Variants in POP5 observed in about 807,000 individuals in gnomAD.
The protein encoded by POP5 is POP5 ribonuclease P/MRP subunit.
A neutral mutation model predicts 20.7 loss-of-function variants in POP5; 18 were observed. The ratio of observed to expected loss-of-function variants is 0.87; its 90% CI spans 0.60 to 1.29. The LOEUF (loss-of-function observed/expected upper bound fraction) is 1.29, where lower values mean the gene tolerates loss of function less well. Among genes scored for constraint, POP5 ranks in the 50% most tolerant of loss-of-function variants. POP5 has a pLI of 0.00. For synonymous variants in POP5, 91 were observed against 78.0 expected (o/e 1.17, Z -0.88); for missense variants, 200 against 203.2 (o/e 0.98, Z 0.10).
rs747000225 is a variant in POP5, at chr12:120,581,325, C to G, written c.20+18G>C. 1.9e-6 allele frequency: 3 copies of G among 1,613,984 alleles called. No homozygotes were observed. Among genetic ancestry groups the G allele is most frequent in the African/African-American group, 2.7e-5 (2 of 74,952 alleles). On this transcript the variant is annotated intron_variant, in intron 1 of 4. Coordinates refer to ENST00000357500, the MANE Select transcript of POP5 (RefSeq NM_015918.4). The stretch of plus-strand genomic sequence containing the variant: ...GGACCCAGCAAGGCACTGGGAGGGT[C>G]TGGAAGGGAATGCTTACCTGTGCTT...
chr12:120,578,916 C>CA lies in POP5; in HGVS notation c.*401dup, dbSNP rs570255197. 717 of 190,170 alleles carry CA rather than the reference C, an allele frequency of 3.8e-3. No individual in the cohort carries two copies. Among genetic ancestry groups the CA allele is most frequent in the South Asian group, 9.9e-3 (105 of 10,566 alleles). The allele number at this position is 190,170 out of a possible 1,614,324, so 11.8% of individuals were successfully genotyped here. On this transcript the variant is annotated 3_prime_UTR_variant, in exon 5 of 5. Transcript: ENST00000357500. ...CCTGGGTGATAGACTGAGACTGTCT[C>CA]AAAAAAAAAAGTTTAACTAGTACCA...
At chr12:120,580,148 A>G in intron 2 of POP5, 1 of 450,808 alleles carries the variant, frequency 2.2e-6, no homozygotes, top group Non-Finnish European at 4.0e-6. Context: ...AGGCTGAGGC[A>G]TGAGAATCGC....
chr12:120,581,400 G>A lies in POP5; in HGVS notation c.-38C>T. On this transcript the variant is annotated 5_prime_UTR_variant, in exon 1 of 5. Coordinates refer to ENST00000357500, the MANE Select transcript of POP5 (RefSeq NM_015918.4). ...GCTCTCCGGTCCGGCGTGCAAACCGGATGTGAATTCTGTCCGCTGCCAATG... is the reference window on the plus strand; with the variant it reads ...GCTCTCCGGTCCGGCGTGCAAACCGAATGTGAATTCTGTCCGCTGCCAATG... The A allele has an allele frequency of 6.2e-7, 1 of 1,600,834 alleles. No homozygotes were observed. The highest frequency in any genetic ancestry group is 8.5e-7 in the Non-Finnish European group (1 of 1,174,228).
In POP5 at chr12:120,581,149, A is replaced by T; in HGVS notation, c.129T>A (p.Thr43=). Residue 43 remains threonine (T), a synonymous_variant, in exon 2 of 5, where the codon ACT becomes ACA. Coordinates refer to ENST00000357500, the MANE Select transcript of POP5 (RefSeq NM_015918.4). ...VRDTIARVHG[T]FGAAACSIGF... is the part of the protein sequence containing the mutation. Reference sequence around the variant, plus strand: ...CGATGGAGCAGGCGGCTGCGCCGAAAGTTCCGTGCACCCTGGCGATCGTGT... The same window carrying T: ...CGATGGAGCAGGCGGCTGCGCCGAATGTTCCGTGCACCCTGGCGATCGTGT... 6.2e-7 allele frequency: 1 copy of T among 1,613,362 alleles called. No homozygotes were observed. The highest frequency in any genetic ancestry group is 8.5e-7 in the Non-Finnish European group (1 of 1,180,024).
chr12:120,580,107 T>C, intron 2 of POP5, 184 bp from the exon 3 acceptor site: 1 of 545,180 alleles, frequency 1.8e-6, no homozygotes, highest in Non-Finnish European at 3.2e-6. Context: ...CTGGGTGTGG[T>C]GGTGCGCACC....
chr12:120,580,823 C>T (rs1341771319), intron 2 of POP5: 5 of 463,424 alleles, frequency 1.1e-5, no homozygotes, highest in Non-Finnish European at 1.9e-5. Flanking sequence ...ACACAGCTTC[C>T]CTCATTTAAT....
At position 120,578,956 on chromosome 12, in the gene POP5, C is replaced by T. The variant is rs994854561; in HGVS notation, c.*362G>A. 1 of 261,202 alleles carries T rather than the reference C, an allele frequency of 3.8e-6. No homozygotes were observed. Among genetic ancestry groups the T allele is most frequent in the African/African-American group, 2.2e-5 (1 of 45,010 alleles). The allele number at this position is 261,202 out of a possible 1,614,324, so 16.2% of individuals were successfully genotyped here. A position where few individuals can be genotyped will look rare whatever the true frequency, so the allele number is the denominator to read the frequency against. On this transcript the variant is annotated 3_prime_UTR_variant, in exon 5 of 5. Coordinates refer to ENST00000357500, the MANE Select transcript of POP5 (RefSeq NM_015918.4). ...AACTAGTACCACATAGGGAGTCAGT[C>T]TTCCCACCAAGGCTAGGGATAGAGA... is the stretch of plus-strand genomic sequence containing the variant.
At position 120,579,305 on chromosome 12, in the gene POP5, G is replaced by C; in HGVS notation, c.*13C>G. On this transcript the variant is annotated 3_prime_UTR_variant, in exon 5 of 5. Coordinates refer to ENST00000357500, the MANE Select transcript of POP5 (RefSeq NM_015918.4). ...GCCTGAGCAGTGTAGCCAGCTGTGTGGGGAGCAGAGGTTCACTCCATTGCT... is the reference window on the plus strand; with the variant it reads ...GCCTGAGCAGTGTAGCCAGCTGTGTCGGGAGCAGAGGTTCACTCCATTGCT... 1 of 1,608,832 alleles carries C rather than the reference G, an allele frequency of 6.2e-7. No homozygotes were observed. Among genetic ancestry groups the C allele is most frequent in the African/African-American group, 1.3e-5 (1 of 74,976 alleles).
intron 2 of POP5, among the ~76,000 whole-genome samples, chr12:120,580,329 AAG>A (rs902314221): frequency 2.9e-4 from 44 of 152,234 alleles, no homozygotes; most frequent in African/African-American, 1.0e-3. Context: ...CAGCGAGTAA[AAG>A]AGAAAAGCCA....
chr12:120,581,354 C>A lies in POP5; in HGVS notation c.9G>T (p.Arg3=). 1.2e-6 allele frequency: 2 copies of A among 1,613,374 alleles called. No individual in the cohort carries two copies. Among genetic ancestry groups the A allele is most frequent in the Non-Finnish European group, 1.7e-6 (2 of 1,179,746 alleles). Residue 3 remains arginine (R), a synonymous_variant, in exon 1 of 5, where the codon CGG becomes CGT. Transcript: ENST00000357500. Reference sequence around the variant, plus strand: ...AAGGGAATGCTTACCTGTGCTTGAACCGCACCATGGCTGCCTCCGCGCTCT... The same window carrying A: ...AAGGGAATGCTTACCTGTGCTTGAAACGCACCATGGCTGCCTCCGCGCTCT... MV[R]FKHRYLLCEL... is the part of the protein sequence containing the mutation.
intron 2 of POP5, chr12:120,580,497 CA>C (rs1877806822): frequency 6.5e-6 from 1 of 153,810 alleles, no homozygotes; most frequent in African/African-American, 2.4e-5. Flanking sequence ...GCCTGAAAAA[CA>C]GGCTGTTTTA....
At position 120,581,241 on chromosome 12, in the gene POP5, G is replaced by C; in HGVS notation, c.37C>G (p.Leu13Val). 1 of 1,614,248 alleles carries C rather than the reference G, an allele frequency of 6.2e-7. No homozygotes were observed. ...RFKHRYLLCE[L>V]VSDDPRCRLS... ...CGGCAGCGGGGGTCGTCAGACACCAGTTCGCAGAGCAGGTACCTGCGGCAG... is the reference window on the plus strand; with the variant it reads ...CGGCAGCGGGGGTCGTCAGACACCACTTCGCAGAGCAGGTACCTGCGGCAG... The change falls in exon 2 of 5, where the codon CTG becomes GTG. Residue 13 changes from leucine (L) to valine (V), a missense_variant. By Grantham distance (32) the Leu-to-Val change is conservative. Transcript: ENST00000357500.
At chr12:120,580,877 C>A in intron 2 of POP5, 1 of 573,402 alleles carries the variant, frequency 1.7e-6, no homozygotes, top group Non-Finnish European at 3.0e-6. Flanking sequence ...ACAGAAATTA[C>A]CTGTCAAGCA....
At chr12:120,579,644 CTT>C in intron 3 of POP5, 47 bp from the exon 4 acceptor site, 1 of 1,569,970 alleles carries the variant, frequency 6.4e-7, no homozygotes, top group Non-Finnish European at 8.8e-7. Context: ...AGATCTCGAC[CTT>C]ACAGACTTTC....
chr12:120,581,137 G>C lies in POP5; in HGVS notation c.141C>G (p.Ala47=). 6.2e-7 allele frequency: 1 copy of C among 1,612,664 alleles called. No homozygotes were observed. The highest frequency in any genetic ancestry group is 8.5e-7 in the Non-Finnish European group (1 of 1,180,002). Reference sequence around the variant, plus strand: ...CACCCGCGAAGCCGATGGAGCAGGCGGCTGCGCCGAAAGTTCCGTGCACCC... The same window carrying C: ...CACCCGCGAAGCCGATGGAGCAGGCCGCTGCGCCGAAAGTTCCGTGCACCC... ...IARVHGTFGA[A]ACSIGFAVRY... The change falls in exon 2 of 5, where the codon GCC becomes GCG. Residue 47 remains alanine, a synonymous_variant. Transcript: ENST00000357500.
chr12:120,579,145 G>C lies in POP5; in HGVS notation c.*173C>G. On this transcript the variant is annotated 3_prime_UTR_variant, in exon 5 of 5. Transcript: ENST00000357500. ...GCAACACTTCACCAGGGAATGCTAG[G>C]TAAAGGCAACTTCAGTTTAACTGAG... 1 of 632,972 alleles carries C rather than the reference G, an allele frequency of 1.6e-6. No homozygotes were observed. The highest frequency in any genetic ancestry group is 2.7e-5 in the East Asian group (1 of 36,588). 39.2% of individuals were successfully genotyped at this position (632,972 alleles called of 1,614,324 possible).
Position 120,578,999 on chromosome 12 carries a change from C to A in POP5, c.*319G>T. 2.9e-6 allele frequency: 1 copy of A among 346,730 alleles called. No homozygotes were observed. Among genetic ancestry groups the A allele is most frequent in the Non-Finnish European group, 5.4e-6 (1 of 184,302 alleles). The allele number at this position is 346,730 out of a possible 1,614,324, so 21.5% of individuals were successfully genotyped here. A position where few individuals can be genotyped will look rare whatever the true frequency, so the allele number is the denominator to read the frequency against. On this transcript the variant is annotated 3_prime_UTR_variant, in exon 5 of 5. Transcript: ENST00000357500. ...GATAGAGAGAGAACAGAGACTTGGC[C>A]AAGCATGGACTCCATAAGCCCTTTC...
chr12:120,579,416 G>C lies in POP5; in HGVS notation c.398-4C>G, dbSNP rs1288110450. ...TTCTGGATAGCTTCCCGCTCTCCTGGAGAAGGCAGATAACAGGGATGAAAG... is the reference window on the plus strand; with the variant it reads ...TTCTGGATAGCTTCCCGCTCTCCTGCAGAAGGCAGATAACAGGGATGAAAG... On this transcript the variant is annotated splice_polypyrimidine_tract_variant and splice_region_variant and intron_variant, in intron 4 of 4. Coordinates refer to ENST00000357500, the MANE Select transcript of POP5 (RefSeq NM_015918.4). 6.2e-7 allele frequency: 1 copy of C among 1,612,488 alleles called. No homozygotes were observed. The highest frequency in any genetic ancestry group is 1.7e-5 in the Admixed American group (1 of 60,024).
Position 120,579,070 on chromosome 12 carries a change from T to A in POP5, c.*248A>T. 1 of 548,560 alleles carries A rather than the reference T, an allele frequency of 1.8e-6. No individual in the cohort carries two copies. Among genetic ancestry groups the A allele is most frequent in the East Asian group, 3.1e-5 (1 of 32,246 alleles). 34.0% of individuals were successfully genotyped at this position (548,560 alleles called of 1,614,324 possible). On this transcript the variant is annotated 3_prime_UTR_variant, in exon 5 of 5. Coordinates refer to ENST00000357500, the MANE Select transcript of POP5 (RefSeq NM_015918.4). ...TGCCACGGAAACCAGATACATTTAT[T>A]AAATCTACTCTTAGCCAAGCAATAA...
Sources: allele counts gnomAD v4.1 joint callset (sites outside exome capture counted in the v4.1 genomes callset), GRCh38; gene constraint gnomAD v4.1.1; transcripts MANE v1.5; gene names NCBI Gene and HGNC (gene_info 2026-07-23, HGNC 2026-07-21).